Variants in KATNBL1 observed in about 807,000 individuals in gnomAD.
KATNBL1 encodes KATNB1-like protein 1.
KATNBL1 carries 28 observed loss-of-function variants against 44.7 expected under a neutral mutation model. The ratio of observed to expected loss-of-function variants is 0.63; its 90% CI spans 0.46 to 0.86. The LOEUF (loss-of-function observed/expected upper bound fraction) is 0.86. Among genes scored for constraint, KATNBL1 ranks in the 40% least tolerant of loss-of-function variants. KATNBL1 has a pLI of 0.00. For synonymous variants in KATNBL1, 78 were observed against 114.9 expected (o/e 0.68, Z 2.06); for missense variants, 272 against 350.7 (o/e 0.78, Z 1.79).
intron 1 of KATNBL1, among the ~76,000 whole-genome samples, chr15:34,172,981 A>G (rs1430847245): frequency 2.0e-5 from 3 of 152,220 alleles, no homozygotes; most frequent in African/African-American, 7.2e-5. Context: ...AATTGCATCT[A>G]TAAAACAAAA....
chr15:34,146,982 T>C, intron 7 of KATNBL1, 132 bp from the exon 8 acceptor site: 2 of 665,146 alleles, frequency 3.0e-6, no homozygotes, highest in Admixed American at 5.6e-5. Flanking sequence ...GTTACCTTCA[T>C]GATCTATTAC....
chr15:34,151,435 A>ATTTTTTTTTTTTTTTTTTTTTTTTTTTT (rs1491367010), intron 4 of KATNBL1, among the ~76,000 whole-genome samples: 2 of 63,828 alleles, frequency 3.1e-5, no homozygotes, highest in Non-Finnish European at 3.2e-5. Flanking sequence ...TCCTTTGCCT[A>ATTTTTTTTTTTTTTTTTTTTTTTTTTTT]CTTTTTTTTT....
In KATNBL1 at chr15:34,146,803, C is replaced by A; in HGVS notation, c.746G>T (p.Trp249Leu). Residue 249 changes from tryptophan to leucine, a missense_variant, in exon 8 of 10, where the codon TGG becomes TTG. Trp to Leu is a moderately conservative substitution (Grantham distance 61). Around this residue, in one of 3 missense-constraint regions of KATNBL1, gnomAD observed 39 missense variants for 76.3 expected, o/e 0.51. Coordinates refer to ENST00000256544, the MANE Select transcript of KATNBL1 (RefSeq NM_024713.3). ...TGTTTTGGATGATAGTTCTGACCACCACCTTTTAATGACTGCTTGAAGCCA... is the reference window on the plus strand; with the variant it reads ...TGTTTTGGATGATAGTTCTGACCACAACCTTTTAATGACTGCTTGAAGCCA... Reference protein sequence around the residue: ...LNWLQAVIKRWWSELSSKTEI... With the variant: ...LNWLQAVIKRLWSELSSKTEI... The A allele has an allele frequency of 6.2e-7, 1 of 1,608,924 alleles. No individual in the cohort carries two copies. Among genetic ancestry groups the A allele is most frequent in the East Asian group, 2.2e-5 (1 of 44,780 alleles).
intron 1 of KATNBL1, among the ~76,000 whole-genome samples, chr15:34,183,899 G>C: frequency 6.6e-6 from 1 of 152,170 alleles, no homozygotes; most frequent in Non-Finnish European, 1.5e-5. Flanking sequence ...GCTGGGTGCG[G>C]TGGCTCATGC....
At chr15:34,172,973 T>C (rs1012175310) in intron 1 of KATNBL1, among the ~76,000 whole-genome samples, 10 of 152,058 alleles carry the variant, frequency 6.6e-5, no homozygotes, top group East Asian at 1.9e-4. Flanking sequence ...TTTTAAAGAA[T>C]TGCATCTATA....
intron 1 of KATNBL1, among the ~76,000 whole-genome samples, chr15:34,192,529 G>C (rs1889906184): frequency 6.6e-6 from 1 of 152,142 alleles, no homozygotes; most frequent in African/African-American, 2.4e-5. Flanking sequence ...CAATGATACA[G>C]AGAAAATGGC....
At chr15:34,166,801 C>G (rs2140937150) in intron 1 of KATNBL1, among the ~76,000 whole-genome samples, 1 of 152,318 alleles carries the variant, frequency 6.6e-6, no homozygotes. Context: ...CCCAGGCAAA[C>G]AGGGTGTGGA....
intron 1 of KATNBL1, among the ~76,000 whole-genome samples, chr15:34,199,292 C>T (rs1595365845): frequency 6.6e-6 from 1 of 152,106 alleles, no homozygotes; most frequent in Non-Finnish European, 1.5e-5. Flanking sequence ...CAAAAATTAG[C>T]CTGGTGTGGT....
At chr15:34,207,010 G>A (rs1374211401) in intron 1 of KATNBL1, among the ~76,000 whole-genome samples, 3 of 149,754 alleles carry the variant, frequency 2.0e-5, no homozygotes, top group Non-Finnish European at 4.4e-5. Flanking sequence ...GTAATGTTAT[G>A]ATGCATCTTG....
chr15:34,170,102 G>C (rs575684001), intron 1 of KATNBL1, among the ~76,000 whole-genome samples: 3,348 of 152,246 alleles, frequency 0.022, 115 homozygotes, highest in African/African-American at 0.076. Context: ...AATCAGGCAA[G>C]AGAAAGAAAT....
intron 1 of KATNBL1, among the ~76,000 whole-genome samples, chr15:34,188,151 A>AAAAAAAAAAAAAAAT (rs1889772357): frequency 6.8e-6 from 1 of 147,824 alleles, no homozygotes; most frequent in Non-Finnish European, 1.5e-5. Flanking sequence ...AAAAAAAAAA[A>AAAAAAAAAAAAAAAT]AAAAAAAAAA....
At chr15:34,170,627 C>T (rs1270303706) in intron 1 of KATNBL1, among the ~76,000 whole-genome samples, 4 of 152,232 alleles carry the variant, frequency 2.6e-5, no homozygotes, top group Admixed American at 2.6e-4. Flanking sequence ...CCTGCATTGC[C>T]AAGACAATCC....
intron 1 of KATNBL1, among the ~76,000 whole-genome samples, chr15:34,184,170 G>C (rs866311326): frequency 1.3e-5 from 2 of 152,148 alleles, no homozygotes; most frequent in Non-Finnish European, 2.9e-5. Context: ...GCCAGGCGTG[G>C]TGGCGGGCGC....
intron 1 of KATNBL1, chr15:34,199,883 C>G (rs147335126): frequency 6.6e-6 from 1 of 152,048 alleles, no homozygotes; most frequent in Admixed American, 6.6e-5. Context: ...GAAGATGACC[C>G]GAGCCGGTTG....
At chr15:34,178,420 T>C (rs753238046) in intron 1 of KATNBL1, among the ~76,000 whole-genome samples, 12 of 152,048 alleles carry the variant, frequency 7.9e-5, no homozygotes, top group South Asian at 4.1e-4. Flanking sequence ...GCAGCTACCA[T>C]GTAAAAAATG....
rs367634291 is a variant in KATNBL1 at position 34,159,020 on chromosome 15, C to T, written c.118-4336G>A. Among the ~76,000 whole-genome samples the T allele has an allele frequency of 4.6e-5, 7 of 152,330 alleles. No homozygotes were observed. The South Asian group carries it at 1.0e-3, about 23-fold the overall frequency. Reference sequence around the variant, plus strand: ...TTATCAGTGGTTAGTGTTAAATCAACGCTCTCTAACAGGATAGCTTCGTAT... The same window carrying T: ...TTATCAGTGGTTAGTGTTAAATCAATGCTCTCTAACAGGATAGCTTCGTAT... On this transcript the variant is annotated intron_variant, in intron 2 of 9. Transcript: ENST00000256544.
intron 1 of KATNBL1, among the ~76,000 whole-genome samples, chr15:34,194,343 T>A: frequency 6.6e-6 from 1 of 151,988 alleles, no homozygotes; most frequent in East Asian, 1.9e-4. Context: ...GTGCAGTGGG[T>A]CATACCTGTA....
At chr15:34,194,668 C>T (rs1567537559) in intron 1 of KATNBL1, among the ~76,000 whole-genome samples, 1 of 152,220 alleles carries the variant, frequency 6.6e-6, no homozygotes, top group Non-Finnish European at 1.5e-5. Flanking sequence ...AAAGAATCAA[C>T]AAAGTGAACA....
intron 1 of KATNBL1, among the ~76,000 whole-genome samples, chr15:34,180,429 C>T (rs1889483848): frequency 6.6e-6 from 1 of 152,208 alleles, no homozygotes; most frequent in African/African-American, 2.4e-5. Flanking sequence ...TCTTTCTGTT[C>T]ATACGACACA....
Sources: gnomAD v4.1 joint callset for allele counts (sites outside exome capture counted in the v4.1 genomes callset) on GRCh38, gnomAD v4.1.1 for gene constraint, gnomAD v4.1.1 regional missense constraint, MANE v1.5 for transcripts, NCBI Gene and HGNC (gene_info 2026-07-23, HGNC 2026-07-21) for gene names.